Variants in TBC1D5 observed in about 807,000 individuals in gnomAD.
TBC1D5 encodes the protein TBC1 domain family, member 5.
In TBC1D5, 75 loss-of-function variants were observed where a neutral mutation model predicts 100.3. That is an observed-to-expected ratio of 0.75 (90% CI 0.62 to 0.91). The LOEUF (loss-of-function observed/expected upper bound fraction) is 0.91, where lower values mean the gene tolerates loss of function less well. Ranked by LOEUF, TBC1D5 falls within the 40% of genes least tolerant of loss-of-function variation. The probability of loss-of-function intolerance (pLI) is 0.00; values close to 1 mark genes in which losing one functional copy is unlikely to be tolerated. For synonymous variants in TBC1D5, 323 were observed against 325.6 expected, an observed-to-expected ratio of 0.99 and a Z score of 0.09; for missense variants, 910 against 942.4, an observed-to-expected ratio of 0.97 and a Z score of 0.45.
chr3:17,306,829 A>G (rs905643681), intron 14 of TBC1D5, among the ~76,000 whole-genome samples: 1 of 152,136 alleles, frequency 6.6e-6, no homozygotes, highest in African/African-American at 2.4e-5. Context: ...ATTGAATATC[A>G]TAAAATCCAG....
intron 2 of TBC1D5, among the ~76,000 whole-genome samples, chr3:17,602,561 ATTTTTTT>A (rs33956978): frequency 2.7e-5 from 2 of 74,478 alleles, no homozygotes; most frequent in African/African-American, 5.7e-5. Flanking sequence ...AGAGAATCAG[ATTTTTTT>A]TTTTTTTTTT....
chr3:17,484,455 G>GGGGTGTGTGTGTGTGTGTGTGTGT (rs1309270588), intron 3 of TBC1D5, among the ~76,000 whole-genome samples: 1 of 111,526 alleles, frequency 9.0e-6, no homozygotes, highest in African/African-American at 4.0e-5. Flanking sequence ...GTAACACCAG[G>GGGGTGTGTGTGTGTGTGTGTGTGT]GTGTGTGTGT....
At chr3:17,683,567 C>G (rs764032534) in intron 1 of TBC1D5, among the ~76,000 whole-genome samples, 2 of 152,106 alleles carry the variant, frequency 1.3e-5, no homozygotes, top group Non-Finnish European at 2.9e-5. Flanking sequence ...GAGGAAAATA[C>G]CAGTACTCTC....
At chr3:17,228,614 G>A (rs915208997) in intron 17 of TBC1D5, among the ~76,000 whole-genome samples, 1 of 151,888 alleles carries the variant, frequency 6.6e-6, no homozygotes, top group African/African-American at 2.4e-5. Context: ...CTGCCTGGCA[G>A]AGCAACTGAA....
chr3:17,436,607 A>G (rs1191899313), intron 3 of TBC1D5, among the ~76,000 whole-genome samples: 1 of 152,176 alleles, frequency 6.6e-6, no homozygotes, highest in Non-Finnish European at 1.5e-5. Flanking sequence ...CCTGACAACG[A>G]TCTTATCAAA....
intron 13 of TBC1D5, chr3:17,338,402 C>G (rs1226265558): frequency 6.6e-6 from 1 of 152,190 alleles, no homozygotes; most frequent in African/African-American, 2.4e-5. Context: ...ACAACGGACA[C>G]CTCCAGCAGC....
intron 17 of TBC1D5, among the ~76,000 whole-genome samples, chr3:17,224,550 A>T (rs1215949425): frequency 6.6e-6 from 1 of 152,238 alleles, no homozygotes; most frequent in African/African-American, 2.4e-5. Flanking sequence ...CTCAGTGGCT[A>T]CATGTGGCTA....
At chr3:17,578,471 T>C (rs2096671499) in intron 2 of TBC1D5, among the ~76,000 whole-genome samples, 1 of 152,014 alleles carries the variant, frequency 6.6e-6, no homozygotes, top group African/African-American at 2.4e-5. Flanking sequence ...AATGTCAAGG[T>C]TTTAGAACCC....
At chr3:17,600,634 A>G (rs2153589395) in intron 2 of TBC1D5, among the ~76,000 whole-genome samples, 1 of 152,344 alleles carries the variant, frequency 6.6e-6, no homozygotes, top group East Asian at 1.9e-4. Flanking sequence ...GAGGGAAATT[A>G]TAAAAATGAT....
chr3:17,253,702 C>T (rs1435644846), intron 16 of TBC1D5, among the ~76,000 whole-genome samples: 3 of 152,296 alleles, frequency 2.0e-5, no homozygotes, highest in East Asian at 1.9e-4. Context: ...GCTAGCTGCC[C>T]GTTCTCGAGC....
chr3:17,660,128 A>G (rs1211927915), intron 1 of TBC1D5, among the ~76,000 whole-genome samples: 1 of 152,246 alleles, frequency 6.6e-6, no homozygotes, highest in Non-Finnish European at 1.5e-5. Flanking sequence ...AAGCCCAAGC[A>G]ACTACAAAAT....
intron 2 of TBC1D5, among the ~76,000 whole-genome samples, chr3:17,558,164 A>C (rs1163187308): frequency 2.0e-5 from 3 of 152,206 alleles, no homozygotes; most frequent in Admixed American, 6.5e-5. Context: ...CAACTCTAAA[A>C]TTTAATCCTT....
At chr3:17,733,444 G>GA (rs1237026491) in intron 1 of TBC1D5, among the ~76,000 whole-genome samples, 2 of 152,036 alleles carry the variant, frequency 1.3e-5, no homozygotes, top group Non-Finnish European at 2.9e-5. Context: ...AAACCACACA[G>GA]AAAAAATCTT....
intron 13 of TBC1D5, among the ~76,000 whole-genome samples, chr3:17,320,810 T>C (rs758187337): frequency 1.3e-5 from 2 of 152,254 alleles, no homozygotes; most frequent in African/African-American, 2.4e-5. Flanking sequence ...TTTACCATAG[T>C]ATTACATTTC....
intron 18 of TBC1D5, among the ~76,000 whole-genome samples, chr3:17,198,432 T>C (rs947293569): frequency 2.6e-5 from 4 of 152,224 alleles, no homozygotes; most frequent in Admixed American, 6.5e-5. Context: ...ACATAGAACA[T>C]AGGATTAAAT....
chr3:17,203,572 C>T (rs1343713566), intron 18 of TBC1D5, among the ~76,000 whole-genome samples: 1 of 152,160 alleles, frequency 6.6e-6, no homozygotes, highest in Non-Finnish European at 1.5e-5. Context: ...GAATTGTAAT[C>T]CTCTGAGTTG....
intron 2 of TBC1D5, among the ~76,000 whole-genome samples, chr3:17,551,454 T>C (rs531805163): frequency 1.3e-5 from 2 of 152,252 alleles, no homozygotes; most frequent in South Asian, 4.1e-4. Context: ...CAGCACAGCA[T>C]GCTTCATTAA....
intron 3 of TBC1D5, among the ~76,000 whole-genome samples, chr3:17,462,371 G>C (rs2095229684): frequency 6.7e-6 from 1 of 149,722 alleles, no homozygotes; most frequent in South Asian, 2.1e-4. Context: ...ACCAAGGCTG[G>C]AGTGCAATGG....
At chr3:17,387,013 T>C (rs187153524) in intron 8 of TBC1D5, among the ~76,000 whole-genome samples, 8 of 152,172 alleles carry the variant, frequency 5.3e-5, no homozygotes, top group African/African-American at 1.7e-4. Context: ...GCACACCAAC[T>C]ATGATTCTGC....
Sources: gnomAD v4.1 joint callset for allele counts (sites outside exome capture counted in the v4.1 genomes callset) on GRCh38, gnomAD v4.1.1 for gene constraint, MANE v1.5 for transcripts, NCBI Gene and HGNC (gene_info 2026-07-23, HGNC 2026-07-21) for gene names.